TTLL11: variants seen among roughly 807,000 people sequenced by gnomAD.
TTLL11 encodes tubulin polyglutamylase TTLL11.
TTLL11 carries 42 observed loss-of-function variants against 51.7 expected under a neutral mutation model. The ratio of observed to expected loss-of-function variants is 0.81; its 90% CI spans 0.64 to 1.05. The LOEUF is 1.05. Ranked by LOEUF, TTLL11 falls within the 50% of genes least tolerant of loss-of-function variation. The pLI, the probability that TTLL11 is intolerant of heterozygous loss-of-function variation, is 0.00. For synonymous variants in TTLL11, 381 were observed against 383.5 expected (o/e 0.99, Z 0.08); for missense variants, 799 against 940.4 (o/e 0.85, Z 1.97).
rs947693915 is a variant in TTLL11 at position 122,093,288 on chromosome 9, C to G, written c.-140G>C. ...GAGCCCGTTGCCATGATCGCTCAGG[C>G]TCGGGTTGACAGCGGCAGTCACCGC... On this transcript the variant is annotated 5_prime_UTR_variant, in exon 1 of 9. Coordinates refer to ENST00000321582, the MANE Select transcript of TTLL11 (RefSeq NM_001139442.2). 1 of 1,572,328 alleles carries G rather than the reference C, an allele frequency of 6.4e-7. No individual in the cohort carries two copies. The highest frequency in any genetic ancestry group is 8.6e-7 in the Non-Finnish European group (1 of 1,168,390).
intron 6 of TTLL11, among the ~76,000 whole-genome samples, chr9:121,966,788 C>T (rs1283069925): frequency 1.3e-5 from 2 of 152,142 alleles, no homozygotes; most frequent in Admixed American, 6.5e-5. Flanking sequence ...GGACTTGGGG[C>T]AAGTTTCTTA....
intron 4 of TTLL11, among the ~76,000 whole-genome samples, chr9:121,977,673 T>G (rs1842741570): frequency 1.3e-5 from 1 of 76,462 alleles, no homozygotes; most frequent in Non-Finnish European, 2.7e-5. Flanking sequence ...TTAATTTAAT[T>G]TAATTTTTTT....
At chr9:121,878,802 C>T (rs889236791) in intron 6 of TTLL11, among the ~76,000 whole-genome samples, 2 of 152,222 alleles carry the variant, frequency 1.3e-5, no homozygotes, top group Non-Finnish European at 2.9e-5. Context: ...TCGCCATTGT[C>T]CCTCTTGCCC....
chr9:122,035,479 A>C (rs1466248527), intron 2 of TTLL11, among the ~76,000 whole-genome samples: 1 of 152,252 alleles, frequency 6.6e-6, no homozygotes, highest in Non-Finnish European at 1.5e-5. Flanking sequence ...GTTCAACCTC[A>C]GGTTTGCCCA....
intron 6 of TTLL11, among the ~76,000 whole-genome samples, chr9:121,933,663 T>G (rs917036481): frequency 6.6e-6 from 1 of 152,196 alleles, no homozygotes; most frequent in African/African-American, 2.4e-5. Context: ...TGTATTTCTG[T>G]GGGAAATTAT....
At chr9:122,043,036 A>G (rs1844889252) in intron 1 of TTLL11, among the ~76,000 whole-genome samples, 1 of 152,192 alleles carries the variant, frequency 6.6e-6, no homozygotes, top group Non-Finnish European at 1.5e-5. Flanking sequence ...TACATTTTTC[A>G]AAACCCATAG....
At chr9:122,018,838 C>T (rs1017689575) in intron 3 of TTLL11, among the ~76,000 whole-genome samples, 3 of 152,222 alleles carry the variant, frequency 2.0e-5, no homozygotes, top group African/African-American at 7.2e-5. Context: ...TTTGAAACTT[C>T]AGGGCTTAGA....
Position 121,974,864 on chromosome 9 carries a change from G to T in TTLL11, c.1365+20C>A. 6.6e-7 allele frequency: 1 copy of T among 1,515,202 alleles called. No individual in the cohort carries two copies. Among genetic ancestry groups the T allele is most frequent in the South Asian group, 1.2e-5 (1 of 80,960 alleles). The allele number at this position is 1,515,202 out of a possible 1,614,324, so 93.9% of individuals were successfully genotyped here. ...TCAGCTGTATGGCAACATAGTCAAT[G>T]AGATGCTCAAAATACTTACTTCGTG... On this transcript the variant is annotated intron_variant, in intron 5 of 8. Coordinates refer to ENST00000321582, the MANE Select transcript of TTLL11 (RefSeq NM_001139442.2).
intron 4 of TTLL11, among the ~76,000 whole-genome samples, chr9:121,980,580 G>GT (rs1217066507): frequency 6.6e-6 from 1 of 152,200 alleles, no homozygotes; most frequent in Non-Finnish European, 1.5e-5. Context: ...GACCATACTT[G>GT]TAAGAACCTC....
chr9:121,874,251 A>C (rs1464273134), intron 6 of TTLL11, among the ~76,000 whole-genome samples: 1 of 152,322 alleles, frequency 6.6e-6, no homozygotes, highest in Non-Finnish European at 1.5e-5. Flanking sequence ...TGCCTTGGCC[A>C]GCCTCCCAAT....
intron 1 of TTLL11, among the ~76,000 whole-genome samples, chr9:122,080,403 G>T (rs1845971948): frequency 6.6e-6 from 1 of 152,140 alleles, no homozygotes; most frequent in Non-Finnish European, 1.5e-5. Context: ...TATGAAATAT[G>T]CTGGGTGCAG....
intron 3 of TTLL11, among the ~76,000 whole-genome samples, chr9:121,990,747 C>A (rs1843088081): frequency 6.6e-6 from 1 of 152,180 alleles, no homozygotes; most frequent in Non-Finnish European, 1.5e-5. Flanking sequence ...CCTGACCAAT[C>A]CTTCCATCTG....
Position 121,863,203 on chromosome 9 carries a change from C to T in TTLL11, c.1734-2760G>A, listed in dbSNP as rs569845783. Among the ~76,000 whole-genome samples the T allele has an allele frequency of 1.1e-3, 170 of 152,280 alleles. 1 individual carries two copies. Among genetic ancestry groups the T allele is most frequent in the African/African-American group, 3.9e-3 (160 of 41,546 alleles). On this transcript the variant is annotated intron_variant, in intron 7 of 8. Transcript: ENST00000321582. ...GCCCCAGTAACCACATGTCAATGGA[C>T]GCGGAGGTTTTCACGTCACTTGTCA... is the stretch of plus-strand genomic sequence containing the variant.
At chr9:121,876,425 G>A (rs1021333833) in intron 6 of TTLL11, among the ~76,000 whole-genome samples, 1 of 152,228 alleles carries the variant, frequency 6.6e-6, no homozygotes, top group Admixed American at 6.5e-5. Context: ...GGATACAAGA[G>A]TGAGGTGGAC....
chr9:121,977,354 A>G (rs781220859), intron 4 of TTLL11, among the ~76,000 whole-genome samples: 4 of 152,224 alleles, frequency 2.6e-5, no homozygotes, highest in Non-Finnish European at 5.9e-5. Flanking sequence ...AAATGAGGAT[A>G]ACAATAGCTA....
chr9:121,877,352 G>A (rs116029722), intron 6 of TTLL11, among the ~76,000 whole-genome samples: 3,554 of 152,222 alleles, frequency 0.023, 126 homozygotes, highest in African/African-American at 0.079. Context: ...CTCTGCTATC[G>A]CAGAGGCTCC....
At chr9:121,826,939 C>T (rs1401061713) in intron 8 of TTLL11, among the ~76,000 whole-genome samples, 1 of 151,846 alleles carries the variant, frequency 6.6e-6, no homozygotes, top group Admixed American at 6.6e-5. Flanking sequence ...ACAGGACAGG[C>T]TGGGGAAGAG....
chr9:121,941,411 G>A (rs1290057328), intron 6 of TTLL11, among the ~76,000 whole-genome samples: 1 of 152,226 alleles, frequency 6.6e-6, no homozygotes, highest in Non-Finnish European at 1.5e-5. Context: ...GGTGACAACA[G>A]TGATGACAAC....
intron 6 of TTLL11, among the ~76,000 whole-genome samples, chr9:121,913,322 A>C (rs568717292): frequency 3.9e-4 from 59 of 152,236 alleles, no homozygotes; most frequent in African/African-American, 1.4e-3. Flanking sequence ...TATTTCTTTA[A>C]AATGTGCGGA....
Sources: allele counts gnomAD v4.1 joint callset (sites outside exome capture counted in the v4.1 genomes callset), GRCh38; gene constraint gnomAD v4.1.1; transcripts MANE v1.5; gene names NCBI Gene and HGNC (gene_info 2026-07-23, HGNC 2026-07-21).